Variants in NCAM2 observed in about 807,000 individuals in gnomAD.
NCAM2 encodes the protein neural cell adhesion molecule 2.
In NCAM2, 30 loss-of-function variants were observed where a neutral mutation model predicts 98.1. The ratio of observed to expected loss-of-function variants is 0.31; its 90% CI spans 0.23 to 0.41. The LOEUF (loss-of-function observed/expected upper bound fraction) is 0.41, where lower values mean the gene tolerates loss of function less well. Among genes scored for constraint, NCAM2 ranks in the 10% least tolerant of loss-of-function variants. The pLI is 1.00. For missense variants in NCAM2, 867 were observed against 1,005.8 expected, an observed-to-expected ratio of 0.86 and a Z score of 1.87; for synonymous variants, 368 against 342.4, an observed-to-expected ratio of 1.07 and a Z score of -0.83.
chr21:21,135,062 C>T (rs1005730907), intron 1 of NCAM2, among the ~76,000 whole-genome samples: 21 of 137,090 alleles, frequency 1.5e-4, no homozygotes, highest in African/African-American at 4.8e-4. Flanking sequence ...GGTGAAACCC[C>T]GTCTCTACTA....
At chr21:21,354,936 A>G (rs529005766) in intron 8 of NCAM2, among the ~76,000 whole-genome samples, 1 of 152,344 alleles carries the variant, frequency 6.6e-6, no homozygotes, top group South Asian at 2.1e-4. Flanking sequence ...GTGAAATAAT[A>G]AAATGCTGGC....
At chr21:21,023,841 A>T (rs1459713450) in intron 1 of NCAM2, among the ~76,000 whole-genome samples, 1 of 152,086 alleles carries the variant, frequency 6.6e-6, no homozygotes, top group African/African-American at 2.4e-5. Context: ...TTCATATCTA[A>T]TTTTTTACAT....
intron 16 of NCAM2, among the ~76,000 whole-genome samples, chr21:21,511,905 T>C (rs1392789773): frequency 6.6e-6 from 1 of 152,072 alleles, no homozygotes; most frequent in African/African-American, 2.4e-5. Flanking sequence ...TTGAGAGAAA[T>C]GTCTATCCAG....
chr21:21,122,853 C>T (rs757826812), intron 1 of NCAM2, among the ~76,000 whole-genome samples: 105 of 152,164 alleles, frequency 6.9e-4, no homozygotes, highest in Non-Finnish European at 1.2e-3. Context: ...AAATAAGCTA[C>T]AACTCTTGAC....
chr21:21,092,160 G>T (rs1259540930), intron 1 of NCAM2, among the ~76,000 whole-genome samples: 1 of 152,050 alleles, frequency 6.6e-6, no homozygotes, highest in African/African-American at 2.4e-5. Context: ...TTATTGAAAT[G>T]AAATAGGTGA....
At chr21:21,303,233 A>G (rs1319962994) in intron 5 of NCAM2, among the ~76,000 whole-genome samples, 1 of 151,930 alleles carries the variant, frequency 6.6e-6, no homozygotes, top group Non-Finnish European at 1.5e-5. Context: ...AAAAAAGAAT[A>G]TAAAGCTTTA....
intron 1 of NCAM2, among the ~76,000 whole-genome samples, chr21:21,226,017 G>A (rs2070367123): frequency 6.6e-6 from 1 of 152,078 alleles, no homozygotes; most frequent in South Asian, 2.1e-4. Flanking sequence ...CAACATGGAT[G>A]CAGCTGGAGG....
At chr21:21,028,000 A>AT (rs1282362915) in intron 1 of NCAM2, among the ~76,000 whole-genome samples, 2 of 151,838 alleles carry the variant, frequency 1.3e-5, no homozygotes, top group Non-Finnish European at 2.9e-5. Flanking sequence ...AGCAGCTGGG[A>AT]TTACAGGCAG....
chr21:21,530,822 T>C (rs1398260109), intron 16 of NCAM2, among the ~76,000 whole-genome samples: 1 of 151,982 alleles, frequency 6.6e-6, no homozygotes, highest in Non-Finnish European at 1.5e-5. Context: ...ATATAAATTT[T>C]GTAAATATAC....
chr21:21,079,543 T>C (rs1333004733), intron 1 of NCAM2, among the ~76,000 whole-genome samples: 1 of 152,208 alleles, frequency 6.6e-6, no homozygotes, highest in Non-Finnish European at 1.5e-5. Context: ...TATCATGTTT[T>C]CTAAATTCTG....
chr21:21,101,463 A>C (rs984363639), intron 1 of NCAM2, among the ~76,000 whole-genome samples: 2 of 152,082 alleles, frequency 1.3e-5, no homozygotes, highest in Admixed American at 1.3e-4. Flanking sequence ...GCATACTCTC[A>C]TAAGAATCAA....
chr21:21,383,850 T>G (rs927387571), intron 9 of NCAM2, among the ~76,000 whole-genome samples: 1 of 152,062 alleles, frequency 6.6e-6, no homozygotes, highest in Non-Finnish European at 1.5e-5. Context: ...GTTTAGAGTA[T>G]TTTACATCAT....
chr21:21,354,996 A>AT (rs1300928806), intron 8 of NCAM2, among the ~76,000 whole-genome samples: 3 of 152,266 alleles, frequency 2.0e-5, no homozygotes, highest in Non-Finnish European at 4.4e-5. Context: ...AAATAGTAGT[A>AT]TTTTTTGTGA....
intron 16 of NCAM2, among the ~76,000 whole-genome samples, chr21:21,530,477 C>A: frequency 6.7e-6 from 1 of 150,364 alleles, no homozygotes; most frequent in East Asian, 1.9e-4. Context: ...CATACATAAG[C>A]ATTAATATTT....
intron 1 of NCAM2, among the ~76,000 whole-genome samples, chr21:21,005,062 C>G (rs2064086747): frequency 6.6e-6 from 1 of 152,086 alleles, no homozygotes; most frequent in African/African-American, 2.4e-5. Context: ...ATTCACTAAG[C>G]AGTTTGGAAA....
At chr21:21,499,574 C>T (rs1987489608) in intron 15 of NCAM2, among the ~76,000 whole-genome samples, 1 of 151,644 alleles carries the variant, frequency 6.6e-6, no homozygotes, top group Non-Finnish European at 1.5e-5. Flanking sequence ...AATGTTTGTA[C>T]TTGCTAAAAT....
intron 1 of NCAM2, among the ~76,000 whole-genome samples, chr21:21,095,281 A>T (rs1242554876): frequency 6.6e-6 from 1 of 151,694 alleles, no homozygotes; most frequent in Non-Finnish European, 1.5e-5. Context: ...TCCAAGGAAG[A>T]AATCCAAGGA....
intron 1 of NCAM2, among the ~76,000 whole-genome samples, chr21:21,155,443 T>G (rs2067581496): frequency 6.6e-6 from 1 of 151,788 alleles, no homozygotes; most frequent in African/African-American, 2.4e-5. Flanking sequence ...TTCTTTTTCC[T>G]TTTATTTAAA....
intron 1 of NCAM2, among the ~76,000 whole-genome samples, chr21:21,162,039 G>A (rs572995446): frequency 6.6e-6 from 1 of 151,864 alleles, no homozygotes; most frequent in South Asian, 2.1e-4. Context: ...TTGACAAAAG[G>A]GATTCTATAC....
Sources: gnomAD v4.1 joint callset for allele counts (sites outside exome capture counted in the v4.1 genomes callset) on GRCh38, gnomAD v4.1.1 for gene constraint, MANE v1.5 for transcripts, NCBI Gene and HGNC (gene_info 2026-07-23, HGNC 2026-07-21) for gene names.